The following FGF14 variants were observed in gnomAD, a reference collection of about 807,000 sequenced individuals.
The protein encoded by FGF14 is fibroblast growth factor 14, also known as fibroblast growth factor homologous factor 4.
Under a neutral mutation model 25.5 loss-of-function variants are expected in FGF14, and 5 were observed. That is an observed-to-expected ratio of 0.20 (90% CI 0.10 to 0.41). FGF14 has a LOEUF of 0.41. Ranked by LOEUF, FGF14 falls within the 10% of genes least tolerant of loss-of-function variation. The probability of loss-of-function intolerance (pLI) is 1.00; values close to 1 mark genes in which losing one functional copy is unlikely to be tolerated. For missense variants in FGF14, 222 were observed against 320.1 expected (o/e 0.69, Z 2.34); for synonymous variants, 138 against 118.3 (o/e 1.17, Z -1.08).
chr13:102,314,330 T>C (rs1362770200), intron 1 of FGF14, among the ~76,000 whole-genome samples: 1 of 152,232 alleles, frequency 6.6e-6, no homozygotes, highest in African/African-American at 2.4e-5. Flanking sequence ...ATATATTACA[T>C]GCACAAATTA....
intron 3 of FGF14, among the ~76,000 whole-genome samples, chr13:101,751,176 A>C (rs971675985): frequency 2.0e-5 from 3 of 152,192 alleles, no homozygotes; most frequent in Non-Finnish European, 4.4e-5. Flanking sequence ...ACCTAGAGTT[A>C]ACTCTAATGT....
rs1555345221 is a variant in FGF14, at chr13:102,041,595, A to AG, written c.209-166300_209-166299insC. ...TTGTGTTTCCATGTAAAAAAAAAAA[A>AG]AGAGAGATTTTATTAAAAAATGTTT... On this transcript the variant is annotated intron_variant, in intron 1 of 4. Coordinates refer to the FGF14 transcript ENST00000376131. 2.9e-4 allele frequency among the ~76,000 whole-genome samples: 43 copies of AG among 149,954 alleles called. No individual in the cohort carries two copies. In the South Asian group the frequency reaches 6.1e-3, roughly 21 times the overall value.
At position 101,797,583 on chromosome 13, in the gene FGF14, G is replaced by A. The variant is rs142874876; in HGVS notation, c.409-70773C>T. The stretch of plus-strand genomic sequence containing the variant: ...AGAGAGCGCATCATATTAGCAGGCT[G>A]ACCAAGCTTTGATTTCAGCCTTTGC... On this transcript the variant is annotated intron_variant, in intron 3 of 4. Transcript: ENST00000376143. Among the ~76,000 whole-genome samples the A allele has an allele frequency of 2.3e-3, 355 of 152,184 alleles. 2 individuals are homozygous for A. The highest frequency in any genetic ancestry group is 8.0e-3 in the African/African-American group (334 of 41,542).
chr13:102,048,043 T>C (rs975245550), intron 1 of FGF14, among the ~76,000 whole-genome samples: 10 of 151,896 alleles, frequency 6.6e-5, no homozygotes, highest in Admixed American at 6.6e-4. Flanking sequence ...CAGCAGTTGA[T>C]ATAAACTTTT....
intron 3 of FGF14, among the ~76,000 whole-genome samples, chr13:101,746,540 A>G (rs1241668124): frequency 3.3e-5 from 5 of 151,998 alleles, no homozygotes; most frequent in Admixed American, 6.6e-5. Flanking sequence ...TAGAGAGTGC[A>G]GTTAAGAATT....
At chr13:102,163,575 T>C (rs667051) in intron 1 of FGF14, among the ~76,000 whole-genome samples, 15,048 of 152,102 alleles carry the variant, frequency 0.099, 1,467 homozygotes, top group East Asian at 0.5. Flanking sequence ...CAACTAGGAT[T>C]GAAATCTCTG....
chr13:101,817,037 C>T (rs1191379697), intron 3 of FGF14, among the ~76,000 whole-genome samples: 1 of 152,162 alleles, frequency 6.6e-6, no homozygotes, highest in African/African-American at 2.4e-5. Flanking sequence ...CACACCTCAC[C>T]TGCCTCTTCC....
chr13:102,154,013 T>C (rs569147391), intron 1 of FGF14, among the ~76,000 whole-genome samples: 8 of 152,310 alleles, frequency 5.3e-5, no homozygotes, highest in African/African-American at 1.9e-4. Context: ...AAAGGCAGAC[T>C]TTGTCTCTGG....
intron 1 of FGF14, among the ~76,000 whole-genome samples, chr13:101,927,409 C>T (rs1374955865): frequency 6.6e-6 from 1 of 152,196 alleles, no homozygotes; most frequent in East Asian, 1.9e-4. Context: ...TGGCCATGCT[C>T]ACAGGCTTGT....
intron 1 of FGF14, among the ~76,000 whole-genome samples, chr13:101,909,635 C>G (rs906917689): frequency 1.3e-5 from 2 of 152,192 alleles, no homozygotes; most frequent in African/African-American, 4.8e-5. Flanking sequence ...CACTTTTACA[C>G]TGTTGGTGGG....
chr13:101,911,580 C>T (rs1316280738), intron 1 of FGF14, among the ~76,000 whole-genome samples: 1 of 152,044 alleles, frequency 6.6e-6, no homozygotes, highest in Non-Finnish European at 1.5e-5. Flanking sequence ...GAGGAAAATG[C>T]ATAAACAATG....
intron 3 of FGF14, among the ~76,000 whole-genome samples, chr13:101,798,798 T>C (rs1555384757): frequency 1.3e-5 from 2 of 152,080 alleles, no homozygotes; most frequent in Non-Finnish European, 2.9e-5. Flanking sequence ...AAGTGAAATG[T>C]GTATTTGTGA....
intron 1 of FGF14, among the ~76,000 whole-genome samples, chr13:102,268,323 C>T (rs1435556408): frequency 6.6e-6 from 1 of 151,904 alleles, no homozygotes; most frequent in Middle Eastern, 3.2e-3. Flanking sequence ...AAACTTTTTC[C>T]TTATTGTAAA....
chr13:101,953,624 C>G (rs909802603), intron 1 of FGF14, among the ~76,000 whole-genome samples: 1 of 145,510 alleles, frequency 6.9e-6, no homozygotes, highest in Non-Finnish European at 1.5e-5. Flanking sequence ...GAGTTTTGCT[C>G]TTGTTGCCCA....
rs11840469 is a variant in FGF14 at position 101,957,964 on chromosome 13, G to T, written c.209-82668C>A. 3.1e-3 allele frequency among the ~76,000 whole-genome samples: 472 copies of T among 152,168 alleles called. 2 individuals are homozygous for T. Among genetic ancestry groups the T allele is most frequent in the Middle Eastern group, 0.014 (4 of 292 alleles). The stretch of plus-strand genomic sequence containing the variant: ...GGGTCCAAAATAATGAACTAAAATA[G>T]AGTAAATAAATATAGTAAATAGTAT... On this transcript the variant is annotated intron_variant, in intron 1 of 4. Transcript: ENST00000376131.
At chr13:101,971,038 T>G (rs1273519799) in intron 1 of FGF14, among the ~76,000 whole-genome samples, 1 of 152,218 alleles carries the variant, frequency 6.6e-6, no homozygotes, top group Non-Finnish European at 1.5e-5. Context: ...ATCTCTCTAC[T>G]ATCAAGTTAT....
chr13:101,982,899 T>C (rs148080862), intron 1 of FGF14, among the ~76,000 whole-genome samples: 2 of 152,336 alleles, frequency 1.3e-5, no homozygotes, highest in East Asian at 3.9e-4. Context: ...TGTTTTCCTA[T>C]ACAAACCCAT....
At chr13:102,384,675 A>C (rs971135398) in intron 1 of FGF14, among the ~76,000 whole-genome samples, 1 of 152,030 alleles carries the variant, frequency 6.6e-6, no homozygotes, top group Non-Finnish European at 1.5e-5. Flanking sequence ...TACTAATCAG[A>C]AAAAAAACTG....
At chr13:102,020,972 AG>A (rs1446260466) in intron 1 of FGF14, among the ~76,000 whole-genome samples, 1 of 151,912 alleles carries the variant, frequency 6.6e-6, no homozygotes, top group African/African-American at 2.4e-5. Flanking sequence ...ATAAACAAGA[AG>A]GTTGGAGGGA....
Sources: gnomAD v4.1 joint callset for allele counts (sites outside exome capture counted in the v4.1 genomes callset) on GRCh38, gnomAD v4.1.1 for gene constraint, MANE v1.5 for transcripts, NCBI Gene and HGNC (gene_info 2026-07-23, HGNC 2026-07-21) for gene names.